GATA6: variants seen among roughly 807,000 people sequenced by gnomAD.
The protein encoded by GATA6 is GATA binding protein 6.
Under a neutral mutation model 48.1 loss-of-function variants are expected in GATA6, and 11 were observed. The ratio of observed to expected loss-of-function variants is 0.23; its 90% CI spans 0.14 to 0.38. GATA6 has a LOEUF of 0.38. Among genes scored for constraint, GATA6 ranks in the 10% least tolerant of loss-of-function variants. The pLI is 1.00. For missense variants in GATA6, 795 were observed against 850.3 expected (o/e 0.93, Z 0.81); for synonymous variants, 419 against 396.1 (o/e 1.06, Z -0.69).
chr18:22,181,623 G>A, intron 4 of GATA6, 45 bp downstream of exon 4: 1 of 1,607,528 alleles, frequency 6.2e-7, no homozygotes, highest in Non-Finnish European at 8.5e-7. Context: ...TTAGTATCTG[G>A]TTTGTATGTG....
chr18:22,175,603 C>T (rs2033111745), intron 2 of GATA6: 1 of 152,066 alleles, frequency 6.6e-6, no homozygotes, highest in Non-Finnish European at 1.5e-5. Flanking sequence ...ACTTTGAACT[C>T]GGGTTGTGTA....
chr18:22,176,827 G>T, intron 2 of GATA6, 128 bp from the exon 3 acceptor site: 1 of 1,109,672 alleles, frequency 9.0e-7, no homozygotes, highest in Non-Finnish European at 1.2e-6. Flanking sequence ...AAGGAGAAAA[G>T]CTCAGCCGGG....
In GATA6 at chr18:22,171,344, C is replaced by G. The variant is rs933199729; in HGVS notation, c.200C>G (p.Thr67Arg). ...ASNCGTPQLD[T>R]EAAAGPPARS... ...AACTGCGGGACGCCTCAGCTCGACA[C>G]GGAGGCGGCGGCCGGACCCCCGGCC... is the stretch of plus-strand genomic sequence containing the variant. The change falls in exon 2 of 7, where the codon ACG becomes AGG. Residue 67 changes from threonine (T) to arginine (R), a missense_variant. Transcript: ENST00000269216. This position sits in a 1 kb window ranked among gnomAD's most constrained non-coding sequence, Gnocchi z 7.1. 2.0e-5 allele frequency: 31 copies of G among 1,585,998 alleles called. No individual in the cohort carries two copies. The highest frequency in any genetic ancestry group is 2.6e-5 in the Non-Finnish European group (30 of 1,173,464).
rs534672450 is a variant in GATA6 at position 22,172,468 on chromosome 18, G to C, written c.1135+189G>C. ...ACCCAGAGTCCGGTAGCGCTGAGGC[G>C]AGTTGTGCCAAGACTTGAGTCTGTT... On this transcript the variant is annotated intron_variant, in intron 2 of 6. Transcript: ENST00000269216. This position sits in a 1 kb window ranked among gnomAD's most constrained non-coding sequence, Gnocchi z 5.2. Among the ~76,000 whole-genome samples the C allele has an allele frequency of 6.6e-6, 1 of 152,336 alleles. No homozygotes were observed. Among genetic ancestry groups the C allele is most frequent in the African/African-American group, 2.4e-5 (1 of 41,590 alleles).
chr18:22,182,736 G>A (rs369783419), intron 4 of GATA6, 21 bp from the exon 5 acceptor site: 582 of 1,535,972 alleles, frequency 3.8e-4, no homozygotes, highest in Non-Finnish European at 4.9e-4. Context: ...TAAATTTATG[G>A]CCTATGTGAA....
At position 22,202,264 on chromosome 18, in the gene GATA6, G is replaced by C. The variant is rs1194560628; in HGVS notation, c.*1441G>C. 6.6e-6 allele frequency: 1 copy of C among 152,130 alleles called. No individual in the cohort carries two copies. The highest frequency in any genetic ancestry group is 6.6e-5 in the Admixed American group (1 of 15,262). 9.4% of individuals were successfully genotyped at this position (152,130 alleles called of 1,614,324 possible). Reference sequence around the variant, plus strand: ...GATAAGCATTTTGTTTGGGAACAATGCTTAAAAATATTCCAGAAAGTTCAG... The same window carrying C: ...GATAAGCATTTTGTTTGGGAACAATCCTTAAAAATATTCCAGAAAGTTCAG... On this transcript the variant is annotated 3_prime_UTR_variant, in exon 7 of 7. Transcript: ENST00000269216.
At chr18:22,195,955 A>G (rs938483081) in intron 6 of GATA6, among the ~76,000 whole-genome samples, 3 of 152,160 alleles carry the variant, frequency 2.0e-5, no homozygotes, top group Non-Finnish European at 4.4e-5. Context: ...CTTATAATAC[A>G]TTTCCAGAAG....
At chr18:22,181,190 G>A (rs777121749) in intron 3 of GATA6, among the ~76,000 whole-genome samples, 8 of 152,086 alleles carry the variant, frequency 5.3e-5, no homozygotes, top group Non-Finnish European at 1.0e-4. Context: ...GACTGCTCCC[G>A]GGTATTCTTG....
chr18:22,171,053 G>A lies in GATA6; in HGVS notation c.-37-55G>A, dbSNP rs1567990589. 1 of 1,081,974 alleles carries A rather than the reference G, an allele frequency of 9.2e-7. No individual in the cohort carries two copies. Among genetic ancestry groups the A allele is most frequent in the Non-Finnish European group, 1.4e-6 (1 of 725,334 alleles). The allele number at this position is 1,081,974 out of a possible 1,614,324, so 67.0% of individuals were successfully genotyped here. On this transcript the variant is annotated intron_variant, in intron 1 of 6. Transcript: ENST00000269216. This position sits in a 1 kb window ranked among gnomAD's most constrained non-coding sequence, Gnocchi z 7.1. Reference sequence around the variant, plus strand: ...GGAGGCGAGGTAGCGTGCAGCCTACGCTCTTGTTAACCCGTCGATCTCCTA... The same window carrying A: ...GGAGGCGAGGTAGCGTGCAGCCTACACTCTTGTTAACCCGTCGATCTCCTA...
rs1413274193 is a variant in GATA6, at chr18:22,191,025, T to A, written c.1620+7982T>A. On this transcript the variant is annotated intron_variant, in intron 6 of 6. Transcript: ENST00000269216. ...TCTAGACTTCCTTTTTTTTTTTTTT[T>A]AAATCTCGTGTGTGTGTGTGTGTGT... 5.2e-4 allele frequency among the ~76,000 whole-genome samples: 69 copies of A among 133,426 alleles called. No homozygotes were observed. The Middle Eastern group carries it at 0.011, about 21-fold the overall frequency. The allele number at this position is 133,426 out of a possible 152,430, so 87.5% of individuals were successfully genotyped here. A position where few individuals can be genotyped will look rare whatever the true frequency, so the allele number is the denominator to read the frequency against.
At position 22,171,678 on chromosome 18, in the gene GATA6, A is replaced by G. The variant is rs1166249324; in HGVS notation, c.534A>G (p.Ala178=). Residue 178 remains alanine (A), a synonymous_variant, in exon 2 of 7, where the codon GCA becomes GCG. Transcript: ENST00000269216. The surrounding 1 kb of genome is among the most constrained non-coding windows in gnomAD (Gnocchi z 7.1). ...GFVHSAAAAA[A]AAAAASSPVY... is the part of the protein sequence containing the mutation. ...TGCACTCTGCGGCCGCGGCGGCAGC[A>G]GCCGCGGCGGCGGCCAGCTCCCCGG... 2.9e-5 allele frequency: 43 copies of G among 1,498,498 alleles called. No homozygotes were observed. Among genetic ancestry groups the G allele is most frequent in the African/African-American group, 4.4e-5 (3 of 68,294 alleles). 92.8% of individuals were successfully genotyped at this position (1,498,498 alleles called of 1,614,324 possible). A position where few individuals can be genotyped will look rare whatever the true frequency, so the allele number is the denominator to read the frequency against.
Position 22,200,967 on chromosome 18 carries a change from A to C in GATA6, c.*144A>C. ...TTATTTTGAAAGAGATGTTTTTCCCAAGAGGCTTGCTGAAAGAGTGAGAGA... is the reference window on the plus strand; with the variant it reads ...TTATTTTGAAAGAGATGTTTTTCCCCAGAGGCTTGCTGAAAGAGTGAGAGA... On this transcript the variant is annotated 3_prime_UTR_variant, in exon 7 of 7. Transcript: ENST00000269216. 1.0e-6 allele frequency: 1 copy of C among 984,328 alleles called. No homozygotes were observed. The highest frequency in any genetic ancestry group is 1.5e-6 in the Non-Finnish European group (1 of 675,878). 61.0% of individuals were successfully genotyped at this position (984,328 alleles called of 1,614,324 possible).
At chr18:22,188,285 TA>T (rs1171596527) in intron 6 of GATA6, among the ~76,000 whole-genome samples, 2 of 152,060 alleles carry the variant, frequency 1.3e-5, no homozygotes, top group African/African-American at 2.4e-5. Flanking sequence ...ATGGAGGTGG[TA>T]GGGGTGGGTA....
chr18:22,199,503 G>A (rs537691248), intron 6 of GATA6, among the ~76,000 whole-genome samples: 1 of 152,186 alleles, frequency 6.6e-6, no homozygotes, highest in Non-Finnish European at 1.5e-5. Flanking sequence ...ACAGATTTTA[G>A]TTATTTTGGT....
At position 22,172,183 on chromosome 18, in the gene GATA6, C is replaced by T. The variant is rs1162913549; in HGVS notation, c.1039C>T (p.Pro347Ser). 1.3e-6 allele frequency: 2 copies of T among 1,533,948 alleles called. No individual in the cohort carries two copies. The highest frequency in any genetic ancestry group is 1.4e-5 in the African/African-American group (1 of 72,980). The change falls in exon 2 of 7, where the codon CCT becomes TCT. Residue 347 changes from proline to serine, a missense_variant. Transcript: ENST00000269216. The surrounding 1 kb of genome is among the most constrained non-coding windows in gnomAD (Gnocchi z 5.2). ...YSPYVGAPLT[P>S]AWPAGPFETP... is the part of the protein sequence containing the mutation. ...GCCCTACGTGGGGGCGCCACTGACG[C>T]CTGCCTGGCCCGCCGGACCCTTCGA... is the stretch of plus-strand genomic sequence containing the variant.
chr18:22,197,659 C>T (rs951216920), intron 6 of GATA6, among the ~76,000 whole-genome samples: 11 of 152,304 alleles, frequency 7.2e-5, no homozygotes, highest in Non-Finnish European at 1.3e-4. Context: ...CTTTTACAAA[C>T]GTTAGCTCAT....
At chr18:22,181,411 G>A (rs766950854) in intron 3 of GATA6, 42 bp from the exon 4 acceptor site, 64 of 1,603,084 alleles carry the variant, frequency 4.0e-5, no homozygotes, top group Non-Finnish European at 5.4e-5. Flanking sequence ...ATATATATAT[G>A]TCACTTATAT....
Position 22,170,949 on chromosome 18 carries a change from G to A in GATA6, c.-37-159G>A. 2 of 611,406 alleles carry A rather than the reference G, an allele frequency of 3.3e-6. No homozygotes were observed. The highest frequency in any genetic ancestry group is 2.9e-6 in the Non-Finnish European group (1 of 343,236). 37.9% of individuals were successfully genotyped at this position (611,406 alleles called of 1,614,324 possible). ...CCCTCCCTTATTGATCTCCACGCCC[G>A]GGGCAGAAATAGGATCTTTGAGAAG... On this transcript the variant is annotated intron_variant, in intron 1 of 6. Coordinates refer to ENST00000269216, the MANE Select transcript of GATA6 (RefSeq NM_005257.6). The surrounding 1 kb of genome is among the most constrained non-coding windows in gnomAD (Gnocchi z 6.7).
intron 3 of GATA6, among the ~76,000 whole-genome samples, chr18:22,179,358 T>C (rs978013548): frequency 1.3e-5 from 2 of 152,212 alleles, no homozygotes; most frequent in Non-Finnish European, 2.9e-5. Context: ...ATAAGAGATT[T>C]ATGGTGTAAC....
Sources: gnomAD v4.1 joint callset for allele counts (sites outside exome capture counted in the v4.1 genomes callset) on GRCh38, gnomAD v4.1.1 for gene constraint, Gnocchi (gnomAD v3.1) non-coding constraint, MANE v1.5 for transcripts, NCBI Gene and HGNC (gene_info 2026-07-23, HGNC 2026-07-21) for gene names.